The following FGD4 variants were observed in gnomAD, a reference collection of about 807,000 sequenced individuals.
FGD4 encodes the protein FYVE, RhoGEF and PH domain-containing protein 4.
A neutral mutation model predicts 102.0 loss-of-function variants in FGD4; 42 were observed. The ratio of observed to expected loss-of-function variants is 0.41; its 90% confidence interval spans 0.32 to 0.53. FGD4 has a LOEUF of 0.53. Among genes scored for constraint, FGD4 ranks in the 20% least tolerant of loss-of-function variants. FGD4 has a pLI of 0.21. For missense variants in FGD4, 902 were observed against 1,078.2 expected, an observed-to-expected ratio of 0.84 and a Z score of 2.29; for synonymous variants, 380 against 375.7, an observed-to-expected ratio of 1.01 and a Z score of -0.13.
intron 1 of FGD4, among the ~76,000 whole-genome samples, chr12:32,483,039 A>G (rs1943806245): frequency 6.6e-6 from 1 of 152,234 alleles, no homozygotes; most frequent in South Asian, 2.1e-4. Flanking sequence ...AAGATACGGA[A>G]TATAATGATG....
chr12:32,496,564 A>G (rs936693833), intron 1 of FGD4, among the ~76,000 whole-genome samples: 2 of 152,216 alleles, frequency 1.3e-5, no homozygotes, highest in Admixed American at 1.3e-4. Flanking sequence ...ATATTATAGA[A>G]GTCTCATTTA....
chr12:32,496,684 T>C (rs1937838638), intron 1 of FGD4, among the ~76,000 whole-genome samples: 1 of 152,224 alleles, frequency 6.6e-6, no homozygotes, highest in South Asian at 2.1e-4. Flanking sequence ...CCTACATATG[T>C]CCTTGTAGAG....
intron 1 of FGD4, among the ~76,000 whole-genome samples, chr12:32,510,734 C>T (rs942161455): frequency 1.1e-4 from 16 of 152,130 alleles, no homozygotes; most frequent in Admixed American, 8.5e-4. Context: ...ATTTTCCTAT[C>T]ACTGGTGGTA....
intron 1 of FGD4, among the ~76,000 whole-genome samples, chr12:32,453,178 A>ATATATATATATTATATATATATTT (rs1368543357): frequency 3.5e-5 from 4 of 114,232 alleles, no homozygotes; most frequent in South Asian, 2.9e-4. Context: ...TATCTATATT[A>ATATATATATATTATATATATATTT]TATATATATT....
At chr12:32,617,776 A>G (rs753307118) in intron 10 of FGD4, among the ~76,000 whole-genome samples, 1 of 152,234 alleles carries the variant, frequency 6.6e-6, no homozygotes, top group Non-Finnish European at 1.5e-5. Flanking sequence ...GGCTTTTGCT[A>G]CAGGAACAAG....
At chr12:32,565,367 G>A (rs1416443103) in intron 2 of FGD4, among the ~76,000 whole-genome samples, 2 of 152,170 alleles carry the variant, frequency 1.3e-5, no homozygotes, top group Non-Finnish European at 2.9e-5. Context: ...GCCTATTCAT[G>A]AGCTTACAAC....
At chr12:32,439,814 C>T (rs1289272890) in intron 1 of FGD4, among the ~76,000 whole-genome samples, 3 of 152,012 alleles carry the variant, frequency 2.0e-5, no homozygotes, top group Non-Finnish European at 2.9e-5. Context: ...TTAGATTTGC[C>T]CTTTTGAGGC....
chr12:32,640,296 C>T lies in FGD4; in HGVS notation c.2475C>T (p.Thr825=), dbSNP rs1356498279. 2 of 1,614,202 alleles carry T rather than the reference C, an allele frequency of 1.2e-6. No individual in the cohort carries two copies. Among genetic ancestry groups the T allele is most frequent in the Non-Finnish European group, 1.7e-6 (2 of 1,180,028 alleles). Residue 825 remains threonine, a synonymous_variant, in exon 17 of 17, where the codon ACC becomes ACT. Coordinates refer to ENST00000534526, the MANE Select transcript of FGD4 (RefSeq NM_001370298.3). ...TTTAGGACGTCAGAGCCCAGGCCAC[C>T]ATTCCACTTCTGGGCTATGTGGTGG... The part of the protein sequence containing the change: ...GAPQDVRAQA[T]IPLLGYVVDE...
intron 1 of FGD4, among the ~76,000 whole-genome samples, chr12:32,464,508 G>A (rs1392368123): frequency 6.6e-6 from 1 of 152,022 alleles, no homozygotes; most frequent in Non-Finnish European, 1.5e-5. Flanking sequence ...GATTCCACAA[G>A]GGATTAAAGA....
At chr12:32,415,491 C>T (rs982016324) in intron 1 of FGD4, among the ~76,000 whole-genome samples, 2 of 146,390 alleles carry the variant, frequency 1.4e-5, no homozygotes, top group Admixed American at 7.1e-5. Flanking sequence ...GGCACAGTCT[C>T]GGCTCACTGC....
At chr12:32,563,245 G>A (rs1480006707) in intron 1 of FGD4, among the ~76,000 whole-genome samples, 15 of 151,614 alleles carry the variant, frequency 9.9e-5, no homozygotes, top group African/African-American at 1.5e-4. Flanking sequence ...CTTCTCAGAC[G>A]GGGCGGTTGC....
Position 32,601,533 on chromosome 12 carries a change from A to T in FGD4, c.1247+110A>T. The T allele has an allele frequency of 2.3e-6, 3 of 1,287,982 alleles. No homozygotes were observed. In the South Asian group the frequency reaches 4.5e-5, roughly 19 times the overall value. The allele number at this position is 1,287,982 out of a possible 1,614,324, so 79.8% of individuals were successfully genotyped here. ...ACAACTGTAACTAGACATTTATGCT[A>T]AATTTTTACATTAAAGACTACTGAT... On this transcript the variant is annotated intron_variant, in intron 6 of 16. Transcript: ENST00000534526.
intron 1 of FGD4, among the ~76,000 whole-genome samples, chr12:32,507,643 G>A (rs1052909643): frequency 9.2e-5 from 14 of 152,198 alleles, no homozygotes; most frequent in African/African-American, 1.9e-4. Context: ...GCATGGGAAC[G>A]CATTTACCAG....
In FGD4 at chr12:32,453,226, G is replaced by GAT. The variant is rs200904312; in HGVS notation, c.166+53278_166+53279dup. Among the ~76,000 whole-genome samples the GAT allele has an allele frequency of 7.1e-3, 413 of 58,498 alleles. 6 individuals are homozygous for GAT. Among genetic ancestry groups the GAT allele is most frequent in the African/African-American group, 0.029 (349 of 12,120 alleles). The allele number at this position is 58,498 out of a possible 152,430, so 38.4% of individuals were successfully genotyped here. A position where few individuals can be genotyped will look rare whatever the true frequency, so the allele number is the denominator to read the frequency against. ...TATATATATATATATATATAATATA[G>GAT]ATATATATATATTTTTTTTTTTTTA... On this transcript the variant is annotated intron_variant, in intron 1 of 16. Transcript: ENST00000534526.
Position 32,564,306 on chromosome 12 carries a change from T to C in FGD4, c.319+17T>C. On this transcript the variant is annotated intron_variant, in intron 2 of 16. Coordinates refer to ENST00000534526, the MANE Select transcript of FGD4 (RefSeq NM_001370298.3). ...AGCCACAAGGTATGCTCACTGGGAG[T>C]TTGTGTTCGGGGTGGGTACGTTGTT... is the stretch of plus-strand genomic sequence containing the variant. The C allele has an allele frequency of 6.5e-7, 1 of 1,533,738 alleles. No individual in the cohort carries two copies. Among genetic ancestry groups the C allele is most frequent in the Middle Eastern group, 1.7e-4 (1 of 5,866 alleles).
chr12:32,605,636 A>G (rs1439123850), intron 7 of FGD4, among the ~76,000 whole-genome samples: 1 of 152,054 alleles, frequency 6.6e-6, no homozygotes, highest in Non-Finnish European at 1.5e-5. Flanking sequence ...TTCTTTTCCT[A>G]TTTTTAGCTC....
chr12:32,492,676 A>G (rs1044243003), intron 1 of FGD4, among the ~76,000 whole-genome samples: 4 of 152,252 alleles, frequency 2.6e-5, no homozygotes, highest in Non-Finnish European at 5.9e-5. Context: ...ATTCATGTGT[A>G]GAGGTATATG....
At chr12:32,476,630 G>T (rs565541612) in intron 1 of FGD4, among the ~76,000 whole-genome samples, 1 of 152,278 alleles carries the variant, frequency 6.6e-6, no homozygotes, top group African/African-American at 2.4e-5. Context: ...AGGGCTATGT[G>T]CCTGTAATAC....
At chr12:32,595,229 T>C (rs550595357) in intron 4 of FGD4, among the ~76,000 whole-genome samples, 2 of 152,308 alleles carry the variant, frequency 1.3e-5, no homozygotes, top group Non-Finnish European at 2.9e-5. Flanking sequence ...CCACAATGTA[T>C]TTAAGTTTTA....
Sources: allele counts gnomAD v4.1 joint callset (sites outside exome capture counted in the v4.1 genomes callset), GRCh38; gene constraint gnomAD v4.1.1; transcripts MANE v1.5; gene names NCBI Gene and HGNC (gene_info 2026-07-23, HGNC 2026-07-21).